MRAP2: variants seen among roughly 807,000 people sequenced by gnomAD.
MRAP2 encodes the protein melanocortin-2 receptor accessory protein 2.
Under a neutral mutation model 17.4 loss-of-function variants are expected in MRAP2, and 20 were observed. That is an observed-to-expected ratio of 1.15 (90% CI 0.81 to 1.67). The LOEUF (loss-of-function observed/expected upper bound fraction) is 1.67. Ranked by LOEUF, MRAP2 falls within the 40% of genes most tolerant of loss-of-function variation. The pLI, the probability that MRAP2 is intolerant of heterozygous loss-of-function variation, is 0.00. For missense variants in MRAP2, 238 were observed against 240.0 expected (o/e 0.99, Z 0.05); for synonymous variants, 96 against 88.4 (o/e 1.09, Z -0.48).
chr6:84,138,045 T>A, the MRAP2 span, among the ~76,000 whole-genome samples: 1 of 152,260 alleles, frequency 6.6e-6, no homozygotes, highest in East Asian at 1.9e-4. Context: ...CTTTGCTTTA[T>A]GCTGAAAACT....
chr6:84,081,801 T>C (rs1469868395), intron 3 of MRAP2, among the ~76,000 whole-genome samples: 1 of 152,034 alleles, frequency 6.6e-6, no homozygotes, highest in Non-Finnish European at 1.5e-5. Flanking sequence ...TTGGGTGACA[T>C]AACAAGACTC....
chr6:84,135,521 C>T, the MRAP2 span, among the ~76,000 whole-genome samples: 1 of 152,186 alleles, frequency 6.6e-6, no homozygotes, highest in African/African-American at 2.4e-5. Flanking sequence ...AGAAACTACA[C>T]ATCTCAATTT....
the MRAP2 span, among the ~76,000 whole-genome samples, chr6:84,129,880 A>G: frequency 3.3e-5 from 5 of 152,138 alleles, no homozygotes; most frequent in African/African-American, 1.2e-4. Flanking sequence ...TTCTGGCCAG[A>G]ACTTCCATTA....
intron 1 of MRAP2, among the ~76,000 whole-genome samples, chr6:84,040,889 G>A (rs903278774): frequency 4.6e-5 from 7 of 152,188 alleles, no homozygotes; most frequent in African/African-American, 1.7e-4. Context: ...CTCATTTTCT[G>A]GGAGAAATTC....
At chr6:84,052,746 T>A (rs1235495921) in intron 1 of MRAP2, 1 of 965,136 alleles carries the variant, frequency 1.0e-6, no homozygotes, top group Non-Finnish European at 1.2e-6. Flanking sequence ...AGAGCTGGTG[T>A]CACATTTCAT....
intron 3 of MRAP2, among the ~76,000 whole-genome samples, chr6:84,078,451 G>A (rs1268939488): frequency 6.6e-6 from 1 of 152,170 alleles, no homozygotes; most frequent in African/African-American, 2.4e-5. Context: ...CACTCCCATT[G>A]GAATGTCTAA....
downstream of MRAP2, among the ~76,000 whole-genome samples, chr6:84,095,555 C>T (rs2099502528): frequency 6.6e-6 from 1 of 152,190 alleles, no homozygotes. Context: ...ACAACCACCT[C>T]AGGTTAAATT....
chr6:84,057,546 C>A (rs146369192), intron 2 of MRAP2, among the ~76,000 whole-genome samples: 1 of 152,294 alleles, frequency 6.6e-6, no homozygotes, highest in East Asian at 1.9e-4. Context: ...CAATATTAAA[C>A]CTTATCATGT....
the MRAP2 span, chr6:84,124,688 A>G: frequency 3.9e-6 from 1 of 257,314 alleles, no homozygotes. Context: ...TATTCAATAC[A>G]CCCATGTTAC....
At chr6:84,133,757 G>A in the MRAP2 span, among the ~76,000 whole-genome samples, 3,814 of 152,218 alleles carry the variant, frequency 0.025, 142 homozygotes, top group African/African-American at 0.087. Context: ...TCCAGGTACC[G>A]TCTATCACAG....
chr6:84,131,505 ACTTG>A, the MRAP2 span, among the ~76,000 whole-genome samples: 2 of 152,084 alleles, frequency 1.3e-5, no homozygotes, highest in Admixed American at 6.6e-5. Context: ...GTCTCTAAGG[ACTTG>A]CTTTATGAAT....
At chr6:84,048,249 G>A (rs971098718) in intron 1 of MRAP2, among the ~76,000 whole-genome samples, 1 of 152,064 alleles carries the variant, frequency 6.6e-6, no homozygotes, top group African/African-American at 2.4e-5. Flanking sequence ...GTGCACAAGG[G>A]TTCCAGTTTC....
chr6:84,044,049 G>C (rs1305319803), intron 1 of MRAP2, among the ~76,000 whole-genome samples: 1 of 152,044 alleles, frequency 6.6e-6, no homozygotes, highest in African/African-American at 2.4e-5. Flanking sequence ...ATTTTTAATG[G>C]ACTTCCTAGG....
intron 1 of MRAP2, among the ~76,000 whole-genome samples, chr6:84,039,748 A>G (rs934801453): frequency 3.3e-5 from 5 of 152,216 alleles, no homozygotes; most frequent in Admixed American, 3.3e-4. Flanking sequence ...TCTTGGTAAT[A>G]GCAAAAATAA....
intron 1 of MRAP2, among the ~76,000 whole-genome samples, chr6:84,040,255 G>A (rs550249155): frequency 3.3e-5 from 5 of 152,322 alleles, no homozygotes; most frequent in Non-Finnish European, 5.9e-5. Flanking sequence ...TGCCATGATT[G>A]TAAGTTTCCT....
chr6:84,064,698 A>G (rs545781650), intron 3 of MRAP2, among the ~76,000 whole-genome samples: 102 of 152,290 alleles, frequency 6.7e-4, no homozygotes, highest in Non-Finnish European at 1.2e-3. Flanking sequence ...CATGTTAGCC[A>G]GGATGGTCTC....
At chr6:84,105,075 A>G in the MRAP2 span, among the ~76,000 whole-genome samples, 1 of 152,086 alleles carries the variant, frequency 6.6e-6, no homozygotes, top group Non-Finnish European at 1.5e-5. Context: ...CAGAATTTTG[A>G]TCAAAGCCAT....
chr6:84,059,832 A>T (rs527354657), intron 2 of MRAP2, among the ~76,000 whole-genome samples: 2 of 152,176 alleles, frequency 1.3e-5, no homozygotes, highest in Admixed American at 6.5e-5. Context: ...TTTGCTCTGT[A>T]TAAAGCTTTA....
At chr6:84,127,747 C>A in the MRAP2 span, among the ~76,000 whole-genome samples, 4 of 151,822 alleles carry the variant, frequency 2.6e-5, no homozygotes, top group Non-Finnish European at 5.9e-5. Context: ...CCTGGTACAC[C>A]AGTTAGGAAG....
Sources: allele counts gnomAD v4.1 joint callset (sites outside exome capture counted in the v4.1 genomes callset), GRCh38; gene constraint gnomAD v4.1.1; transcripts MANE v1.5; gene names NCBI Gene and HGNC (gene_info 2026-07-23, HGNC 2026-07-21).